AP3S2: variants seen among roughly 807,000 people sequenced by gnomAD.
AP3S2 encodes the protein adaptor related protein complex 3 subunit sigma 2.
In AP3S2, 22 loss-of-function variants were observed where a neutral mutation model predicts 23.4. The ratio of observed to expected loss-of-function variants is 0.94; its 90% CI spans 0.67 to 1.34. The LOEUF is 1.34. AP3S2 is among the 40% of genes most tolerant of loss of function. AP3S2 has a pLI of 0.00. For synonymous variants in AP3S2, 86 were observed against 87.1 expected (o/e 0.99, Z 0.07); for missense variants, 241 against 236.9 (o/e 1.02, Z -0.11).
intron 4 of AP3S2, among the ~76,000 whole-genome samples, chr15:89,856,867 TG>T: frequency 6.8e-6 from 1 of 145,992 alleles, no homozygotes; most frequent in South Asian, 2.1e-4. Flanking sequence ...AGTAAGACTC[TG>T]TCTTAAAAAA....
rs1596181398 is a variant in AP3S2, at chr15:89,832,541, T to G, written c.*2974A>C. ...TCTTGCTGTGTTGCCCAGGCTGGAG[T>G]GTAGTGGTGCGATCTTGGCTCACTG... On this transcript the variant is annotated 3_prime_UTR_variant, in exon 6 of 6. Coordinates refer to ENST00000336418, the MANE Select transcript of AP3S2 (RefSeq NM_005829.5). The G allele has an allele frequency of 7.2e-6, 1 of 138,776 alleles. No homozygotes were observed. 8.6% of individuals were successfully genotyped at this position (138,776 alleles called of 1,614,324 possible). A position where few individuals can be genotyped will look rare whatever the true frequency, so the allele number is the denominator to read the frequency against.
intron 3 of AP3S2, among the ~76,000 whole-genome samples, chr15:89,885,885 G>C (rs1285122550): frequency 1.4e-5 from 2 of 145,094 alleles, no homozygotes; most frequent in Non-Finnish European, 1.5e-5. Context: ...AGGCTGCAGT[G>C]AGCTGTGATC....
chr15:89,863,378 C>T lies in AP3S2; in HGVS notation c.345+8097G>A, dbSNP rs531876895. On this transcript the variant is annotated intron_variant, in intron 4 of 5. Coordinates refer to ENST00000336418, the MANE Select transcript of AP3S2 (RefSeq NM_005829.5). Reference sequence around the variant, plus strand: ...GCCATGGGAAGGGCTGTATTCACTCCGAGACCAGGGCATTCTGTGTAGACA... The same window carrying T: ...GCCATGGGAAGGGCTGTATTCACTCTGAGACCAGGGCATTCTGTGTAGACA... 3.9e-5 allele frequency among the ~76,000 whole-genome samples: 6 copies of T among 152,170 alleles called. No homozygotes were observed. In the South Asian group the frequency reaches 6.2e-4, roughly 16 times the overall value.
chr15:89,845,859 T>G (rs1895475088), intron 4 of AP3S2: 1 of 152,200 alleles, frequency 6.6e-6, no homozygotes, highest in Non-Finnish European at 1.5e-5. Flanking sequence ...AACCTTCTAC[T>G]CAGCAAGCAT....
In AP3S2 at chr15:89,893,893, G is replaced by A. The variant is rs1896878599; in HGVS notation, c.57C>T (p.Phe19=). 1.9e-6 allele frequency: 3 copies of A among 1,551,634 alleles called. No individual in the cohort carries two copies. Among genetic ancestry groups the A allele is most frequent in the African/African-American group, 2.7e-5 (2 of 73,070 alleles). Residue 19 remains phenylalanine, a synonymous_variant, in exon 1 of 6, where the codon TTC becomes TTT. Transcript: ENST00000336418. ...NNHGKPRLVR[F]YQRFPEEIQQ... is the part of the protein sequence containing the mutation. ...GGGCCGCACTCACGAAACGCTGGTA[G>A]AAGCGGACTAGCCGTGGCTTCCCAT...
intron 4 of AP3S2, among the ~76,000 whole-genome samples, chr15:89,842,762 G>A (rs1159464110): frequency 5.9e-5 from 9 of 151,958 alleles, no homozygotes; most frequent in African/African-American, 1.2e-4. Flanking sequence ...ATAGGCATGC[G>A]CCACCATGCC....
chr15:89,871,472 T>TAC lies in AP3S2; in HGVS notation c.345+1_345+2dup. On this transcript the variant is annotated splice_region_variant and intron_variant, in intron 4 of 5. Coordinates refer to ENST00000336418, the MANE Select transcript of AP3S2 (RefSeq NM_005829.5). The stretch of plus-strand genomic sequence containing the variant: ...TTTGGAAGAGAACTGCAAGAGAATA[T>TAC]ACCTTATCCATATGGAAGATCAAAT... 1 of 1,613,010 alleles carries TAC rather than the reference T, an allele frequency of 6.2e-7. No individual in the cohort carries two copies. Among genetic ancestry groups the TAC allele is most frequent in the African/African-American group, 1.3e-5 (1 of 75,012 alleles).
chr15:89,858,455 AAAAGAAAG>A (rs769434767), intron 4 of AP3S2, among the ~76,000 whole-genome samples: 182 of 131,158 alleles, frequency 1.4e-3, no homozygotes, highest in African/African-American at 2.6e-3. Context: ...AAAAGAAAGA[AAAAGAAAG>A]AAAGAAAGAA....
intron 4 of AP3S2, among the ~76,000 whole-genome samples, chr15:89,858,485 AAGAAAGAAAGAGAGAGAGAG>A (rs56898086): frequency 7.2e-4 from 28 of 38,828 alleles, no homozygotes; most frequent in African/African-American, 1.6e-3. Context: ...GAAAGAAAGA[AAGAAAGAAAGAGAGAGAGAG>A]AGAGAGAGAG....
At chr15:89,858,945 T>C (rs1036145060) in intron 4 of AP3S2, among the ~76,000 whole-genome samples, 2 of 152,098 alleles carry the variant, frequency 1.3e-5, no homozygotes, top group Admixed American at 1.3e-4. Flanking sequence ...AAAGTTCAAG[T>C]AAGGAAAGCG....
intron 3 of AP3S2, among the ~76,000 whole-genome samples, chr15:89,880,212 G>A (rs894038140): frequency 1.3e-5 from 2 of 151,990 alleles, no homozygotes; most frequent in Admixed American, 6.6e-5. Flanking sequence ...AAACAAGAGG[G>A]AAATGCTAAC....
intron 4 of AP3S2, among the ~76,000 whole-genome samples, chr15:89,858,559 AAG>A (rs1396877072): frequency 1.4e-5 from 2 of 144,562 alleles, no homozygotes; most frequent in Non-Finnish European, 3.1e-5. Context: ...GAAAGAAAGA[AAG>A]AGAAACTCTA....
At chr15:89,867,393 C>T (rs1249597905) in intron 4 of AP3S2, among the ~76,000 whole-genome samples, 1 of 151,600 alleles carries the variant, frequency 6.6e-6, no homozygotes, top group Non-Finnish European at 1.5e-5. Flanking sequence ...CTGCCTTGGC[C>T]TCCCAAAGTG....
chr15:89,890,311 A>G (rs1265269089), intron 1 of AP3S2, among the ~76,000 whole-genome samples: 2 of 152,132 alleles, frequency 1.3e-5, no homozygotes, highest in Non-Finnish European at 2.9e-5. Context: ...TGGCCTCCCA[A>G]AGTGCTGGGA....
chr15:89,872,062 T>G (rs1255510905), intron 3 of AP3S2, among the ~76,000 whole-genome samples: 1 of 146,472 alleles, frequency 6.8e-6, no homozygotes, highest in East Asian at 2.0e-4. Flanking sequence ...GAGGTTGCCA[T>G]AAGCAGAGAT....
rs985875450 is a variant in AP3S2, at chr15:89,831,837, T to G, written c.*3678A>C. On this transcript the variant is annotated 3_prime_UTR_variant, in exon 6 of 6. Transcript: ENST00000336418. ...GCCAGGCCTAGAGGAAGGTGGGCTG[T>G]TTGGGGTATGGCCCAGCAGGGCACG... is the stretch of plus-strand genomic sequence containing the variant. 5 of 152,286 alleles carry G rather than the reference T, an allele frequency of 3.3e-5. No individual in the cohort carries two copies. The highest frequency in any genetic ancestry group is 1.2e-4 in the African/African-American group (5 of 41,460). The allele number at this position is 152,286 out of a possible 1,614,324, so 9.4% of individuals were successfully genotyped here.
rs148592475 is a variant in AP3S2 at position 89,893,973 on chromosome 15, G to C, written c.-24C>G. On this transcript the variant is annotated 5_prime_UTR_variant, in exon 1 of 6. Transcript: ENST00000336418. ...ATCTTTGCCAGCCACGGTTCTCTCA[G>C]CACCGGCTACTCCCAGAAAGCTCCT... 332 of 1,550,058 alleles carry C rather than the reference G, an allele frequency of 2.1e-4. No homozygotes were observed. The African/African-American group carries it at 4.0e-3, about 19-fold the overall frequency.
chr15:89,893,987 C>T lies in AP3S2; in HGVS notation c.-38G>A, dbSNP rs912465771. On this transcript the variant is annotated 5_prime_UTR_variant, in exon 1 of 6. Coordinates refer to ENST00000336418, the MANE Select transcript of AP3S2 (RefSeq NM_005829.5). ...CGGTTCTCTCAGCACCGGCTACTCC[C>T]AGAAAGCTCCTCCTTCCGCCACAAC... 1 of 1,544,524 alleles carries T rather than the reference C, an allele frequency of 6.5e-7. No homozygotes were observed. The highest frequency in any genetic ancestry group is 8.8e-7 in the Non-Finnish European group (1 of 1,142,694).
intron 5 of AP3S2, among the ~76,000 whole-genome samples, chr15:89,836,560 CAA>C (rs548419466): frequency 2.0e-3 from 311 of 152,252 alleles, no homozygotes; most frequent in Non-Finnish European, 2.9e-3. Flanking sequence ...TGACAAAACG[CAA>C]AGAGTATGCA....
Sources: allele counts gnomAD v4.1 joint callset (sites outside exome capture counted in the v4.1 genomes callset), GRCh38; gene constraint gnomAD v4.1.1; transcripts MANE v1.5; gene names NCBI Gene and HGNC (gene_info 2026-07-23, HGNC 2026-07-21).